Variants in IFT80 observed in about 807,000 individuals in gnomAD.
IFT80 encodes intraflagellar transport 80.
A neutral mutation model predicts 107.9 loss-of-function variants in IFT80; 79 were observed. The ratio of observed to expected loss-of-function variants is 0.73; its 90% CI spans 0.61 to 0.88. The LOEUF is 0.88. IFT80 is among the 40% of genes least tolerant of loss of function. IFT80 has a pLI of 0.00. For synonymous variants in IFT80, 299 were observed against 300.9 expected (o/e 0.99, Z 0.07); for missense variants, 797 against 914.2 (o/e 0.87, Z 1.65).
At chr3:160,274,377 A>T (rs1714069921) in intron 18 of IFT80, among the ~76,000 whole-genome samples, 1 of 152,182 alleles carries the variant, frequency 6.6e-6, no homozygotes, top group African/African-American at 2.4e-5. Flanking sequence ...GTTATATTAT[A>T]GGCCATCAGA....
chr3:160,391,053 G>T (rs1342148074), intron 1 of IFT80, among the ~76,000 whole-genome samples: 1 of 152,208 alleles, frequency 6.6e-6, no homozygotes, highest in African/African-American at 2.4e-5. Context: ...ATAGCTAAAA[G>T]TGGGCACAAA....
At chr3:160,262,955 C>A (rs1712980013) in intron 19 of IFT80, among the ~76,000 whole-genome samples, 2 of 152,118 alleles carry the variant, frequency 1.3e-5, no homozygotes, top group Non-Finnish European at 2.9e-5. Context: ...AGTTTTCTAG[C>A]CCTTATTTCT....
chr3:160,336,974 C>CTCCT (rs1719528375), intron 8 of IFT80, among the ~76,000 whole-genome samples: 1 of 152,174 alleles, frequency 6.6e-6, no homozygotes, highest in Non-Finnish European at 1.5e-5. Flanking sequence ...TTTTTCCCCT[C>CTCCT]CTCTCCTTTT....
At chr3:160,338,862 A>G (rs1719682677) in intron 8 of IFT80, among the ~76,000 whole-genome samples, 2 of 152,144 alleles carry the variant, frequency 1.3e-5, no homozygotes, top group African/African-American at 4.8e-5. Context: ...TCTGCTCCCT[A>G]GAACAATATT....
chr3:160,324,816 A>G (rs1270823053), intron 8 of IFT80, among the ~76,000 whole-genome samples: 1 of 152,076 alleles, frequency 6.6e-6, no homozygotes, highest in East Asian at 1.9e-4. Context: ...AGGGTATTCA[A>G]TTAGGAAAAG....
intron 18 of IFT80, among the ~76,000 whole-genome samples, chr3:160,275,857 C>A (rs977227982): frequency 2.0e-5 from 3 of 151,948 alleles, no homozygotes; most frequent in Admixed American, 2.0e-4. Flanking sequence ...AAACTAGTTA[C>A]CTTAAACTTT....
At chr3:160,393,088 G>C (rs1713507601) in intron 1 of IFT80, among the ~76,000 whole-genome samples, 1 of 152,008 alleles carries the variant, frequency 6.6e-6, no homozygotes, top group Non-Finnish European at 1.5e-5. Flanking sequence ...ATATAAATTA[G>C]ATTAAATAAA....
chr3:160,361,287 A>C (rs1325613276), intron 6 of IFT80, among the ~76,000 whole-genome samples: 1 of 152,242 alleles, frequency 6.6e-6, no homozygotes, highest in Non-Finnish European at 1.5e-5. Flanking sequence ...GAAGGCCATT[A>C]CCTAATGGTA....
chr3:160,369,752 T>G (rs1478195049), intron 5 of IFT80, among the ~76,000 whole-genome samples: 1 of 152,064 alleles, frequency 6.6e-6, no homozygotes, highest in African/African-American at 2.4e-5. Context: ...GCAAATTATG[T>G]AACAAAATGT....
chr3:160,321,047 G>C (rs1420475901), intron 8 of IFT80, among the ~76,000 whole-genome samples: 1 of 151,700 alleles, frequency 6.6e-6, no homozygotes, highest in Non-Finnish European at 1.5e-5. Context: ...CTTCAGTAAA[G>C]GCCTAATAAT....
chr3:160,273,585 T>C (rs1367365611), intron 18 of IFT80, among the ~76,000 whole-genome samples: 1 of 152,144 alleles, frequency 6.6e-6, no homozygotes, highest in Non-Finnish European at 1.5e-5. Flanking sequence ...GAAAGAATGA[T>C]AAGATAAATT....
intron 9 of IFT80, among the ~76,000 whole-genome samples, chr3:160,314,765 G>A (rs1197797751): frequency 6.6e-6 from 1 of 152,128 alleles, no homozygotes. Context: ...CCTCCCAAGT[G>A]TCCAGAGAGA....
chr3:160,351,618 ATATATAG>A (rs1187321873), intron 8 of IFT80, among the ~76,000 whole-genome samples: 1 of 147,542 alleles, frequency 6.8e-6, no homozygotes, highest in Non-Finnish European at 1.5e-5. Context: ...TATATATTAT[ATATATAG>A]TATATATAGA....
intron 3 of IFT80, among the ~76,000 whole-genome samples, chr3:160,380,436 C>T (rs1712386520): frequency 1.3e-5 from 2 of 152,160 alleles, no homozygotes; most frequent in South Asian, 2.1e-4. Context: ...CCTTGGGCTA[C>T]TGGCCACCGT....
chr3:160,324,448 A>G (rs1037434824), intron 8 of IFT80, among the ~76,000 whole-genome samples: 5 of 152,178 alleles, frequency 3.3e-5, no homozygotes, highest in Non-Finnish European at 7.4e-5. Context: ...AGTGGGCTTC[A>G]TCTCTGGGAT....
In IFT80 at chr3:160,272,097, CCAG is replaced by C. The variant is rs1713854752; in HGVS notation, c.2100-3564_2100-3562del. On this transcript the variant is annotated intron_variant, in intron 18 of 19. Transcript: ENST00000326448. ...CCACACTATGGTAAATTCTATAGGTCCAGTTTCTTCAATGGGAAAATTGCAAGA... is the reference window on the plus strand; with the variant it reads ...CCACACTATGGTAAATTCTATAGGTCTTTCTTCAATGGGAAAATTGCAAGA... Among the ~76,000 whole-genome samples, 5 of 152,164 alleles carry C rather than the reference CCAG, an allele frequency of 3.3e-5. No individual in the cohort carries two copies. In the South Asian group the frequency reaches 1.0e-3, roughly 32 times the overall value.
Position 160,277,804 on chromosome 3 carries a change from AAACT to A in IFT80, c.1837-138_1837-135del, listed in dbSNP as rs1714383918. 13 of 657,210 alleles carry A rather than the reference AAACT, an allele frequency of 2.0e-5. No homozygotes were observed. In the East Asian group the frequency reaches 3.6e-4, roughly 18 times the overall value. 40.7% of individuals were successfully genotyped at this position (657,210 alleles called of 1,614,324 possible). A position where few individuals can be genotyped will look rare whatever the true frequency, so the allele number is the denominator to read the frequency against. Reference sequence around the variant, plus strand: ...AAATTACTGAGCAGGGCATTAAAAAAAACTAATAATGTGGGAATTTCATTGTGGC... The same window carrying A: ...AAATTACTGAGCAGGGCATTAAAAAAAATAATGTGGGAATTTCATTGTGGC... On this transcript the variant is annotated intron_variant, in intron 16 of 19. Transcript: ENST00000326448.
intron 2 of IFT80, chr3:160,384,073 C>T (rs1316543842): frequency 3.2e-5 from 10 of 308,270 alleles, no homozygotes; most frequent in Admixed American, 1.9e-4. Flanking sequence ...GGTGAAACCC[C>T]GTCTCTACTA....
At chr3:160,365,764 T>G (rs944290621) in intron 6 of IFT80, among the ~76,000 whole-genome samples, 3 of 151,964 alleles carry the variant, frequency 2.0e-5, no homozygotes, top group African/African-American at 7.2e-5. Context: ...TATAGGTAAG[T>G]GAGTGAAGAT....
Sources: gnomAD v4.1 joint callset for allele counts (sites outside exome capture counted in the v4.1 genomes callset) on GRCh38, gnomAD v4.1.1 for gene constraint, MANE v1.5 for transcripts, NCBI Gene and HGNC (gene_info 2026-07-23, HGNC 2026-07-21) for gene names.